Variants in GLB1 observed in about 807,000 individuals in gnomAD.
The protein encoded by GLB1 is beta-galactosidase.
Under a neutral mutation model 74.0 loss-of-function variants are expected in GLB1, and 56 were observed. The observed-to-expected ratio is 0.76, with a 90% confidence interval of 0.61 to 0.94. GLB1 has a LOEUF of 0.94. Among genes scored for constraint, GLB1 ranks in the 40% least tolerant of loss-of-function variants. GLB1 has a pLI of 0.00. For synonymous variants in GLB1, 323 were observed against 323.6 expected (o/e 1.00, Z 0.02); for missense variants, 787 against 845.5 (o/e 0.93, Z 0.86).
rs1435610028 is a variant in GLB1, at chr3:33,065,447, T to C, written c.552+16A>G. The C allele has an allele frequency of 4.5e-6, 7 of 1,569,094 alleles. No homozygotes were observed. Among genetic ancestry groups the C allele is most frequent in the Non-Finnish European group, 6.1e-6 (7 of 1,154,614 alleles). On this transcript the variant is annotated intron_variant, in intron 5 of 15. Coordinates refer to ENST00000307363, the MANE Select transcript of GLB1 (RefSeq NM_000404.4). Reference sequence around the variant, plus strand: ...AACCCCTCCCCCAATCCATCCATGCTCAACTCCAGGGTTACCTGCACTGTT... The same window carrying C: ...AACCCCTCCCCCAATCCATCCATGCCCAACTCCAGGGTTACCTGCACTGTT...
At chr3:33,086,192 C>A (rs1700497256) in intron 1 of GLB1, among the ~76,000 whole-genome samples, 1 of 152,008 alleles carries the variant, frequency 6.6e-6, no homozygotes, top group Non-Finnish European at 1.5e-5. Context: ...TATAAAATAT[C>A]TAAATATCTA....
the GLB1 span, among the ~76,000 whole-genome samples, chr3:32,982,200 C>T: frequency 3.1e-4 from 47 of 151,658 alleles, no homozygotes; most frequent in Non-Finnish European, 1.0e-4. Flanking sequence ...GTAATCACAG[C>T]TCCTTGGGAG....
intron 1 of GLB1, chr3:33,091,332 A>G (rs1228777836): frequency 2.0e-6 from 2 of 985,414 alleles, no homozygotes; most frequent in South Asian, 4.7e-5. Context: ...CCAGGAGGAC[A>G]AGGAGGAAAG....
chr3:33,089,773 G>A (rs894935316), intron 1 of GLB1, among the ~76,000 whole-genome samples: 14 of 152,166 alleles, frequency 9.2e-5, no homozygotes, highest in African/African-American at 9.7e-5. Flanking sequence ...GAGCCTTGTT[G>A]CTCAATGGGT....
intron 1 of GLB1, among the ~76,000 whole-genome samples, chr3:33,095,943 A>C (rs184812202): frequency 1.3e-5 from 2 of 152,296 alleles, no homozygotes; most frequent in East Asian, 3.9e-4. Context: ...ATCTGTGCTG[A>C]CTTTTTCCCA....
At chr3:32,990,799 C>T in the GLB1 span, among the ~76,000 whole-genome samples, 3 of 152,076 alleles carry the variant, frequency 2.0e-5, no homozygotes, top group African/African-American at 7.2e-5. Flanking sequence ...CGGTGAAACC[C>T]CGTCTCTACT....
intron 15 of GLB1, among the ~76,000 whole-genome samples, chr3:33,005,816 G>A (rs1004640274): frequency 1.3e-5 from 2 of 152,148 alleles, no homozygotes. Flanking sequence ...AAAGCAAGAT[G>A]CAACAAACAG....
At chr3:32,978,926 A>ATTT in the GLB1 span, among the ~76,000 whole-genome samples, 14,328 of 120,442 alleles carry the variant, frequency 0.12, 925 homozygotes, top group Middle Eastern at 0.24. Flanking sequence ...CACCCGGCTA[A>ATTT]TTTTTTTTTT....
Position 33,077,761 on chromosome 3 carries a change from T to C in GLB1, c.76-5048A>G, listed in dbSNP as rs558236012. Among the ~76,000 whole-genome samples, 7 of 152,142 alleles carry C rather than the reference T, an allele frequency of 4.6e-5. No individual in the cohort carries two copies. The South Asian group carries it at 6.2e-4, about 14-fold the overall frequency. On this transcript the variant is annotated intron_variant, in intron 1 of 15. Coordinates refer to ENST00000307363, the MANE Select transcript of GLB1 (RefSeq NM_000404.4). ...GAGATGAGATGGGGAAAAATACCGA[T>C]TCTGTAAAAATACTCCCTTTTCTTC...
At chr3:33,094,298 C>T (rs1267714633) in intron 1 of GLB1, 2 of 1,498,856 alleles carry the variant, frequency 1.3e-6, no homozygotes, top group Non-Finnish European at 1.8e-6. Context: ...TCCAGGTCAA[C>T]TCCGCCTGCA....
At chr3:32,981,250 A>G in the GLB1 span, among the ~76,000 whole-genome samples, 1 of 151,542 alleles carries the variant, frequency 6.6e-6, no homozygotes, top group Admixed American at 6.6e-5. Context: ...TAAAAATACA[A>G]AAATTAGCTG....
rs1700814806 is a variant in GLB1 at position 33,092,676 on chromosome 3, G to T, written c.75+4335C>A. 6.4e-6 allele frequency: 9 copies of T among 1,411,336 alleles called. 1 individual carries two copies. The South Asian group carries it at 1.2e-4, about 19-fold the overall frequency. 87.4% of individuals were successfully genotyped at this position (1,411,336 alleles called of 1,614,324 possible). Reference sequence around the variant, plus strand: ...AAACCAGCCTGAACATGCCAGGCAGGCCCACCATAAGTCACTGTTTGAGTC... The same window carrying T: ...AAACCAGCCTGAACATGCCAGGCAGTCCCACCATAAGTCACTGTTTGAGTC... On this transcript the variant is annotated intron_variant, in intron 1 of 15. Coordinates refer to ENST00000307363, the MANE Select transcript of GLB1 (RefSeq NM_000404.4).
the GLB1 span, among the ~76,000 whole-genome samples, chr3:32,973,135 C>T: frequency 6.6e-6 from 1 of 152,166 alleles, no homozygotes; most frequent in South Asian, 2.1e-4. Flanking sequence ...GGGCTTAGTC[C>T]TTTGGATGTT....
chr3:32,966,433 G>C, the GLB1 span, among the ~76,000 whole-genome samples: 1 of 152,178 alleles, frequency 6.6e-6, no homozygotes, highest in Non-Finnish European at 1.5e-5. Flanking sequence ...ATTTGGAGCA[G>C]CTGTATTTAC....
At chr3:33,038,655 G>C (rs1210308069) in intron 10 of GLB1, among the ~76,000 whole-genome samples, 2 of 152,168 alleles carry the variant, frequency 1.3e-5, no homozygotes, top group Non-Finnish European at 2.9e-5. Flanking sequence ...ACTTCTGGGA[G>C]TCTTCTAGGG....
the GLB1 span, among the ~76,000 whole-genome samples, chr3:32,988,622 G>A: frequency 1.3e-5 from 2 of 152,274 alleles, no homozygotes; most frequent in East Asian, 3.9e-4. Flanking sequence ...TTTTTACTCT[G>A]TCCTCCACTT....
rs1360339887 is a variant in GLB1 at position 33,046,121 on chromosome 3, T to C, written c.1067A>G (p.Lys356Arg). 6.2e-7 allele frequency: 1 copy of C among 1,612,600 alleles called. No individual in the cohort carries two copies. The highest frequency in any genetic ancestry group is 2.2e-5 in the East Asian group (1 of 44,844). Reference sequence around the variant, plus strand: ...CCACAGCTCATACAAAGCACCCACCTTCTGGATGATGTTTCGCAGAGCAAA... The same window carrying C: ...CCACAGCTCATACAAAGCACCCACCCTCTGGATGATGTTTCGCAGAGCAAA... ...KYFALRNIIQKFEKVPEGPIP... is the reference protein window; with the variant it reads ...KYFALRNIIQRFEKVPEGPIP... The change falls in exon 10 of 16, where the codon AAG becomes AGG. Residue 356 changes from lysine (K) to arginine (R), a missense_variant and splice_region_variant. By Grantham distance (26) the Lys-to-Arg change is conservative. Transcript: ENST00000307363.
chr3:33,037,699 GAGCAATT>G (rs1438864826), intron 10 of GLB1, among the ~76,000 whole-genome samples: 1 of 152,100 alleles, frequency 6.6e-6, no homozygotes, highest in African/African-American at 2.4e-5. Flanking sequence ...ATTTTCTTGG[GAGCAATT>G]GAGCAATGGT....
At chr3:33,037,030 T>C (rs1391567537) in intron 10 of GLB1, among the ~76,000 whole-genome samples, 1 of 149,246 alleles carries the variant, frequency 6.7e-6, no homozygotes. Flanking sequence ...TTGTTTTATA[T>C]ATATTTTACC....
Sources: allele counts gnomAD v4.1 joint callset (sites outside exome capture counted in the v4.1 genomes callset), GRCh38; gene constraint gnomAD v4.1.1; transcripts MANE v1.5; gene names NCBI Gene and HGNC (gene_info 2026-07-23, HGNC 2026-07-21).